GPC3: variants seen among roughly 807,000 people sequenced by gnomAD.
GPC3 encodes glypican-3.
A neutral mutation model predicts 34.4 loss-of-function variants in GPC3; 3 were observed. The observed-to-expected ratio is 0.09, with a 90% CI of 0.04 to 0.23. The LOEUF is 0.23. Ranked by LOEUF, GPC3 falls within the 10% of genes least tolerant of loss-of-function variation. The probability of loss-of-function intolerance (pLI) is 1.00; values close to 1 mark genes in which losing one functional copy is unlikely to be tolerated. For synonymous variants in GPC3, 177 were observed against 174.0 expected, an observed-to-expected ratio of 1.02 and a Z score of -0.13; for missense variants, 351 against 445.6, an observed-to-expected ratio of 0.79 and a Z score of 1.91.
chrX:133,696,850 G>A (rs758414815), intron 4 of GPC3, among the ~76,000 whole-genome samples: 1 of 112,444 alleles, frequency 8.9e-6, no homozygotes, highest in African/African-American at 3.3e-5. Flanking sequence ...ACAGCTCTCA[G>A]TTAGACAAAT....
chrX:133,884,703 G>T (rs1476578553), intron 2 of GPC3, among the ~76,000 whole-genome samples: 1 of 111,492 alleles, frequency 9.0e-6, no homozygotes, highest in Non-Finnish European at 1.9e-5. Context: ...GAATTTTCCT[G>T]AATGAAAATG....
intron 2 of GPC3, among the ~76,000 whole-genome samples, chrX:133,895,423 G>A (rs1380999926): frequency 9.0e-6 from 1 of 110,986 alleles, no homozygotes; most frequent in Non-Finnish European, 1.9e-5. Flanking sequence ...TCCACCCCCC[G>A]TCCCAAGTTA....
intron 2 of GPC3, among the ~76,000 whole-genome samples, chrX:133,824,887 C>T (rs905133084): frequency 8.9e-6 from 1 of 112,248 alleles, no homozygotes; most frequent in African/African-American, 3.2e-5. Flanking sequence ...CTCGCTCTGT[C>T]GCCCGGGCTG....
At chrX:133,878,368 A>G (rs1036834801) in intron 2 of GPC3, among the ~76,000 whole-genome samples, 1 of 111,088 alleles carries the variant, frequency 9.0e-6, no homozygotes, top group African/African-American at 3.3e-5. Flanking sequence ...CGGAGGTTGT[A>G]GTGAGCTGAG....
intron 2 of GPC3, among the ~76,000 whole-genome samples, chrX:133,764,214 A>G (rs1456275855): frequency 8.9e-6 from 1 of 111,845 alleles, no homozygotes; most frequent in Non-Finnish European, 1.9e-5. Flanking sequence ...AGTGGGAGCT[A>G]AACATGGGGT....
At chrX:133,883,375 C>T (rs1039890039) in intron 2 of GPC3, among the ~76,000 whole-genome samples, 1 of 111,438 alleles carries the variant, frequency 9.0e-6, no homozygotes, top group Non-Finnish European at 1.9e-5. Context: ...CTTAGCATGG[C>T]CAAACCAAAA....
Position 133,555,742 on chromosome X carries a change from C to A in GPC3, c.1574-19449G>T, listed in dbSNP as rs1019812104. Among the ~76,000 whole-genome samples, 4 of 109,527 alleles carry A rather than the reference C, an allele frequency of 3.7e-5. No individual in the cohort carries two copies. The South Asian group carries it at 1.2e-3, about 33-fold the overall frequency. On this transcript the variant is annotated intron_variant, in intron 7 of 7. Transcript: ENST00000370818. ...ACTTGGGAGGCTGAGGCAGGAGAAT[C>A]GCTTGAACCTGAGAGGCAGAGACTG...
chrX:133,830,665 C>T (rs1180554452), intron 2 of GPC3, among the ~76,000 whole-genome samples: 3 of 73,395 alleles, frequency 4.1e-5, no homozygotes, highest in East Asian at 4.0e-4. Flanking sequence ...GCAACAAAAG[C>T]GAGACTCCAT....
intron 1 of GPC3, among the ~76,000 whole-genome samples, chrX:133,963,765 A>G (rs1468498148): frequency 8.9e-6 from 1 of 112,225 alleles, no homozygotes; most frequent in Non-Finnish European, 1.9e-5. Flanking sequence ...GGCAAGAGCT[A>G]TATTTTGGCC....
rs190299758 is a variant in GPC3 at position 133,690,855 on chromosome X, G to T, written c.1292+1514C>A. 4.8e-3 allele frequency among the ~76,000 whole-genome samples: 533 copies of T among 111,710 alleles called. 3 individuals carry two copies. The highest frequency in any genetic ancestry group is 0.016 in the African/African-American group (497 of 30,769). ...TAGTGAAAGATTCAGACTCGATTTT[G>T]GGTCTCTTCTGTATTCTCCTCTATA... On this transcript the variant is annotated intron_variant, in intron 5 of 7. Coordinates refer to ENST00000370818, the MANE Select transcript of GPC3 (RefSeq NM_004484.4).
intron 6 of GPC3, among the ~76,000 whole-genome samples, chrX:133,643,488 T>A (rs1437202601): frequency 1.8e-5 from 2 of 111,998 alleles, no homozygotes; most frequent in African/African-American, 6.5e-5. Context: ...TTTTCTGATT[T>A]AAAAAAATAA....
chrX:133,689,789 G>A (rs1013889450), intron 5 of GPC3, among the ~76,000 whole-genome samples: 1 of 111,925 alleles, frequency 8.9e-6, no homozygotes, highest in Non-Finnish European at 1.9e-5. Flanking sequence ...ACCATGGTTA[G>A]AAGATAAGCT....
intron 7 of GPC3, among the ~76,000 whole-genome samples, chrX:133,570,997 T>C (rs1344693415): frequency 1.8e-5 from 2 of 112,015 alleles, no homozygotes; most frequent in East Asian, 2.8e-4. Flanking sequence ...TATAAACTTA[T>C]ACATATGTGT....
chrX:133,933,262 C>A (rs2076306824), intron 2 of GPC3, among the ~76,000 whole-genome samples: 1 of 110,638 alleles, frequency 9.0e-6, no homozygotes, highest in African/African-American at 3.3e-5. Flanking sequence ...CTATCCAGAG[C>A]ACATCATTTC....
intron 3 of GPC3, among the ~76,000 whole-genome samples, chrX:133,705,440 C>A (rs1263805291): frequency 9.0e-6 from 1 of 111,630 alleles, no homozygotes; most frequent in African/African-American, 3.3e-5. Flanking sequence ...GATCTGCCCA[C>A]CTTGGTCTCC....
At chrX:133,825,477 A>T (rs897188075) in intron 2 of GPC3, among the ~76,000 whole-genome samples, 2 of 111,557 alleles carry the variant, frequency 1.8e-5, no homozygotes, top group African/African-American at 6.5e-5. Context: ...TTTGCATTTG[A>T]CCTGATTTGG....
chrX:133,913,877 A>G lies in GPC3; in HGVS notation c.337+39173T>C, dbSNP rs761191872. 3.0e-4 allele frequency among the ~76,000 whole-genome samples: 33 copies of G among 109,886 alleles called. No individual in the cohort carries two copies. In the South Asian group the frequency reaches 6.6e-3, roughly 22 times the overall value. On this transcript the variant is annotated intron_variant, in intron 2 of 7. Transcript: ENST00000370818. ...GTTCTCAAAATTCCCAGACTCTCCA[A>G]GAGTCTTTAGGGAGCATAACCCAAT...
At chrX:133,952,741 T>A (rs2076398623) in intron 2 of GPC3, among the ~76,000 whole-genome samples, 1 of 112,455 alleles carries the variant, frequency 8.9e-6, no homozygotes, top group Non-Finnish European at 1.9e-5. Flanking sequence ...TAAGGGAACT[T>A]TTTTGTTTTT....
intron 7 of GPC3, among the ~76,000 whole-genome samples, chrX:133,579,631 C>A (rs1326580302): frequency 8.9e-6 from 1 of 111,978 alleles, no homozygotes; most frequent in Non-Finnish European, 1.9e-5. Context: ...GCACCCTTAA[C>A]CTCCTGGGCT....
Sources: allele counts gnomAD v4.1 joint callset (sites outside exome capture counted in the v4.1 genomes callset), GRCh38; gene constraint gnomAD v4.1.1; transcripts MANE v1.5; gene names NCBI Gene and HGNC (gene_info 2026-07-23, HGNC 2026-07-21).